The following CAB39L variants were observed in gnomAD, a reference collection of about 807,000 sequenced individuals.
CAB39L encodes the protein calcium-binding protein 39-like.
A neutral mutation model predicts 39.1 loss-of-function variants in CAB39L; 23 were observed. The ratio of observed to expected loss-of-function variants is 0.59; its 90% confidence interval spans 0.42 to 0.83. CAB39L has a LOEUF of 0.83. Ranked by LOEUF, CAB39L falls within the 40% of genes least tolerant of loss-of-function variation. The pLI is 0.00. For missense variants in CAB39L, 366 were observed against 391.9 expected (o/e 0.93, Z 0.56); for synonymous variants, 126 against 137.2 (o/e 0.92, Z 0.57).
At chr13:49,390,127 T>C (rs891998911) in intron 3 of CAB39L, among the ~76,000 whole-genome samples, 1 of 152,184 alleles carries the variant, frequency 6.6e-6, no homozygotes, top group African/African-American at 2.4e-5. Context: ...GTTTAAATGA[T>C]CCTCTCACCT....
At chr13:49,339,776 A>G (rs752096511) in intron 8 of CAB39L, 34 bp from the exon 9 acceptor site, 3 of 1,512,174 alleles carry the variant, frequency 2.0e-6, no homozygotes, top group Non-Finnish European at 2.6e-6. Flanking sequence ...AGAGTGTAAA[A>G]GCAGCAGTGG....
intron 3 of CAB39L, among the ~76,000 whole-genome samples, chr13:49,403,907 T>A (rs1956823488): frequency 6.6e-6 from 1 of 151,660 alleles, no homozygotes; most frequent in Admixed American, 6.6e-5. Flanking sequence ...AATAAAGCAT[T>A]GAGAGAAAAA....
At chr13:49,312,109 G>A (rs1029875743) in intron 10 of CAB39L, among the ~76,000 whole-genome samples, 1 of 152,166 alleles carries the variant, frequency 6.6e-6, no homozygotes, top group East Asian at 1.9e-4. Context: ...TGCCAAGGCT[G>A]GTCTCGAATT....
intron 3 of CAB39L, among the ~76,000 whole-genome samples, chr13:49,430,793 G>A (rs571773298): frequency 1.4e-4 from 22 of 152,302 alleles, no homozygotes; most frequent in African/African-American, 5.3e-4. Context: ...TATCTTTGCT[G>A]ATGTTATCAA....
rs1437968402 is a variant in CAB39L at position 49,433,943 on chromosome 13, A to AT, written c.-108+142dup. The AT allele has an allele frequency of 3.1e-5, 10 of 324,032 alleles. No individual in the cohort carries two copies. The East Asian group carries it at 7.9e-4, about 26-fold the overall frequency. 20.1% of individuals were successfully genotyped at this position (324,032 alleles called of 1,614,324 possible). On this transcript the variant is annotated intron_variant, in intron 2 of 10. Coordinates refer to ENST00000409308, the MANE Select transcript of CAB39L (RefSeq NM_001079670.3). ...CATCATGAAAACCCATGCCTGCTAGATTTTTTCTTTTCTACTCCACCACTT... is the reference window on the plus strand; with the variant it reads ...CATCATGAAAACCCATGCCTGCTAGATTTTTTTCTTTTCTACTCCACCACTT...
intron 3 of CAB39L, among the ~76,000 whole-genome samples, chr13:49,409,541 C>T (rs1329539750): frequency 6.6e-6 from 1 of 150,916 alleles, no homozygotes; most frequent in East Asian, 1.9e-4. Context: ...ATTAATGGGG[C>T]ATGATCTTTG....
At chr13:49,404,986 G>C (rs1190455262) in intron 3 of CAB39L, among the ~76,000 whole-genome samples, 1 of 152,130 alleles carries the variant, frequency 6.6e-6, no homozygotes, top group Non-Finnish European at 1.5e-5. Flanking sequence ...AAAGGAGGTA[G>C]AGAGAGAGAT....
chr13:49,380,849 A>G (rs1270722865), intron 4 of CAB39L, among the ~76,000 whole-genome samples: 1 of 152,218 alleles, frequency 6.6e-6, no homozygotes, highest in African/African-American at 2.4e-5. Context: ...AAAATAACTC[A>G]TGGTAGCATG....
chr13:49,350,676 A>T, intron 7 of CAB39L, 68 bp downstream of exon 7: 7 of 1,222,582 alleles, frequency 5.7e-6, no homozygotes, highest in Non-Finnish European at 7.8e-6. Flanking sequence ...GCTTTTTAAA[A>T]TTAAATTGCC....
intron 3 of CAB39L, among the ~76,000 whole-genome samples, chr13:49,432,624 G>GA (rs1957345309): frequency 1.3e-5 from 2 of 152,164 alleles, no homozygotes; most frequent in East Asian, 3.9e-4. Flanking sequence ...ATTATTTGAT[G>GA]AATGCATTGA....
At chr13:49,413,913 T>G (rs1481668158) in intron 3 of CAB39L, 1 of 152,214 alleles carries the variant, frequency 6.6e-6, no homozygotes, top group Non-Finnish European at 1.5e-5. Flanking sequence ...AACAGAAAAT[T>G]TAAACTCTAT....
chr13:49,383,848 C>T (rs1045239399), intron 3 of CAB39L, among the ~76,000 whole-genome samples: 5 of 152,168 alleles, frequency 3.3e-5, no homozygotes, highest in Middle Eastern at 3.4e-3. Context: ...AAAATGAAAA[C>T]AATATGTATA....
intron 10 of CAB39L, among the ~76,000 whole-genome samples, chr13:49,311,740 T>C (rs1953995858): frequency 6.6e-6 from 1 of 152,116 alleles, no homozygotes; most frequent in Non-Finnish European, 1.5e-5. Flanking sequence ...GCTTATAGAA[T>C]AAGGATATAA....
At chr13:49,420,603 G>C (rs1957155834) in intron 3 of CAB39L, 1 of 152,484 alleles carries the variant, frequency 6.6e-6, no homozygotes, top group African/African-American at 2.4e-5. Flanking sequence ...TAAAATGCAA[G>C]TAGGGGCTTC....
At chr13:49,394,889 A>G (rs1039445609) in intron 3 of CAB39L, among the ~76,000 whole-genome samples, 1 of 152,230 alleles carries the variant, frequency 6.6e-6, no homozygotes, top group African/African-American at 2.4e-5. Flanking sequence ...TTTCCAAAGA[A>G]TGTGAAATAG....
intron 3 of CAB39L, among the ~76,000 whole-genome samples, chr13:49,388,924 T>C (rs957588429): frequency 6.6e-6 from 1 of 152,190 alleles, no homozygotes; most frequent in Non-Finnish European, 1.5e-5. Context: ...GATAGATGTG[T>C]CTGCCCTACT....
At chr13:49,361,020 T>C (rs1317969891) in intron 5 of CAB39L, among the ~76,000 whole-genome samples, 2 of 152,138 alleles carry the variant, frequency 1.3e-5, no homozygotes, top group East Asian at 1.9e-4. Context: ...ATGGCCCTAG[T>C]TCTGGCCTTC....
Position 49,331,956 on chromosome 13 carries a change from A to G in CAB39L, c.825T>C (p.His275=). 2 of 1,614,160 alleles carry G rather than the reference A, an allele frequency of 1.2e-6. No individual in the cohort carries two copies. Among genetic ancestry groups the G allele is most frequent in the Non-Finnish European group, 1.7e-6 (2 of 1,179,998 alleles). The change falls in exon 10 of 11, where the codon CAT becomes CAC. Residue 275 remains histidine, a synonymous_variant. Coordinates refer to ENST00000409308, the MANE Select transcript of CAB39L (RefSeq NM_001079670.3). ...KSPNIQFEAF[H]VFKVFVASPH... is the part of the protein sequence containing the mutation. ...AGCTTGTACTTTTTACCTTAAAAACATGAAAGGCTTCAAACTGGATGTTGG... is the reference window on the plus strand; with the variant it reads ...AGCTTGTACTTTTTACCTTAAAAACGTGAAAGGCTTCAAACTGGATGTTGG...
At chr13:49,415,352 T>A (rs1319153149) in intron 3 of CAB39L, among the ~76,000 whole-genome samples, 1 of 144,334 alleles carries the variant, frequency 6.9e-6, no homozygotes, top group Non-Finnish European at 1.5e-5. Context: ...CCTTCTCTAC[T>A]AAAAAAAAAA....
Sources: allele counts gnomAD v4.1 joint callset (sites outside exome capture counted in the v4.1 genomes callset), GRCh38; gene constraint gnomAD v4.1.1; transcripts MANE v1.5; gene names NCBI Gene and HGNC (gene_info 2026-07-23, HGNC 2026-07-21).